MTMR7: variants seen among roughly 807,000 people sequenced by gnomAD.
The protein encoded by MTMR7 is phosphatidylinositol-3-phosphate phosphatase MTMR7.
In MTMR7, 76 loss-of-function variants were observed where a neutral mutation model predicts 81.2. That is an observed-to-expected ratio of 0.94 (90% CI 0.78 to 1.13). MTMR7 has a LOEUF of 1.13. MTMR7 is among the 50% of genes most tolerant of loss of function. MTMR7 has a pLI of 0.00. For synonymous variants in MTMR7, 372 were observed against 289.8 expected, an observed-to-expected ratio of 1.28 and a Z score of -2.88; for missense variants, 1,044 against 820.0, an observed-to-expected ratio of 1.27 and a Z score of -3.34.
intron 1 of MTMR7, among the ~76,000 whole-genome samples, chr8:17,399,024 T>C (rs972689996): frequency 5.3e-5 from 8 of 152,088 alleles, no homozygotes; most frequent in African/African-American, 1.9e-4. Context: ...GCTAGTATCA[T>C]ACTGAATGGG....
intron 1 of MTMR7, among the ~76,000 whole-genome samples, chr8:17,397,402 TG>T (rs1821294934): frequency 6.6e-6 from 1 of 152,064 alleles, no homozygotes; most frequent in Non-Finnish European, 1.5e-5. Context: ...GAAGAGCCCT[TG>T]GGCTTTAAGC....
At chr8:17,302,990 C>T (rs767479306) in intron 12 of MTMR7, among the ~76,000 whole-genome samples, 4 of 152,114 alleles carry the variant, frequency 2.6e-5, no homozygotes, top group African/African-American at 9.6e-5. Context: ...GGATTATAGG[C>T]GGGAGCCACC....
Position 17,329,274 on chromosome 8 carries a change from G to A in MTMR7, c.865+1876C>T, listed in dbSNP as rs199730184. Among the ~76,000 whole-genome samples, 50 of 152,212 alleles carry A rather than the reference G, an allele frequency of 3.3e-4. 2 individuals carry two copies. In the East Asian group the frequency reaches 6.2e-3, roughly 19 times the overall value. ...ACACTTCATCATCAGCTCAGCCTCCGCAATGGTTTATAATTTACTCGGTAA... is the reference window on the plus strand; with the variant it reads ...ACACTTCATCATCAGCTCAGCCTCCACAATGGTTTATAATTTACTCGGTAA... On this transcript the variant is annotated intron_variant, in intron 7 of 13. Transcript: ENST00000180173.
chr8:17,378,340 AG>A (rs1322367134), intron 1 of MTMR7, among the ~76,000 whole-genome samples: 3 of 152,246 alleles, frequency 2.0e-5, no homozygotes, highest in African/African-American at 7.2e-5. Flanking sequence ...TTATGAAGTC[AG>A]AAAGCACTGT....
At position 17,305,863 on chromosome 8, in the gene MTMR7, C is replaced by A; in HGVS notation, c.1246G>T (p.Ala416Ser). 1 of 1,613,606 alleles carries A rather than the reference C, an allele frequency of 6.2e-7. No homozygotes were observed. Among genetic ancestry groups the A allele is most frequent in the Non-Finnish European group, 8.5e-7 (1 of 1,179,616 alleles). The change falls in exon 11 of 14, where the codon GCC becomes TCC. Residue 416 changes from alanine (A) to serine (S), a missense_variant. Ala to Ser is a moderately conservative substitution (Grantham distance 99). Coordinates refer to ENST00000180173, the MANE Select transcript of MTMR7 (RefSeq NM_004686.5). ...AAAAACCTCTCATTGAACTCAAAGG[C>A]ACAGGGAAATTGTTCCATTAACTGC... Reference protein sequence around the residue: ...VWQLMEQFPCAFEFNERFLIH... With the variant: ...VWQLMEQFPCSFEFNERFLIH...
rs1463685913 is a variant in MTMR7, at chr8:17,298,061, T to G, written c.*1801A>C. 1.3e-5 allele frequency: 2 copies of G among 152,072 alleles called. No individual in the cohort carries two copies. The highest frequency in any genetic ancestry group is 4.8e-5 in the African/African-American group (2 of 41,444). 9.4% of individuals were successfully genotyped at this position (152,072 alleles called of 1,614,324 possible). On this transcript the variant is annotated 3_prime_UTR_variant, in exon 14 of 14. Coordinates refer to ENST00000180173, the MANE Select transcript of MTMR7 (RefSeq NM_004686.5). ...ATTTTTTAAAAAATGTTTATTGTTT[T>G]TATAGACATACACTGTCAAACGGAA...
intron 7 of MTMR7, among the ~76,000 whole-genome samples, chr8:17,322,654 T>C (rs1319362507): frequency 7.2e-5 from 11 of 151,908 alleles, no homozygotes; most frequent in Admixed American, 7.2e-4. Context: ...ACCCCATCTC[T>C]ACAAAAAATA....
intron 1 of MTMR7, among the ~76,000 whole-genome samples, chr8:17,407,726 A>C (rs1821628893): frequency 6.6e-6 from 1 of 152,180 alleles, no homozygotes; most frequent in African/African-American, 2.4e-5. Flanking sequence ...TGTTTAGTGC[A>C]CGCAAAGAAA....
At position 17,368,570 on chromosome 8, in the gene MTMR7, T is replaced by C. The variant is rs184312405; in HGVS notation, c.310+2467A>G. Among the ~76,000 whole-genome samples, 192 of 152,336 alleles carry C rather than the reference T, an allele frequency of 1.3e-3. 1 individual carries two copies. The highest frequency in any genetic ancestry group is 4.4e-3 in the African/African-American group (181 of 41,570). ...TCTGAAAGACCACCCCATCCCCCAG[T>C]TGAAGGCAACTGTTTCATGTCTAAC... On this transcript the variant is annotated intron_variant, in intron 3 of 13. Coordinates refer to ENST00000180173, the MANE Select transcript of MTMR7 (RefSeq NM_004686.5).
chr8:17,400,593 C>T (rs908289471), intron 1 of MTMR7, among the ~76,000 whole-genome samples: 7 of 152,064 alleles, frequency 4.6e-5, no homozygotes, highest in Admixed American at 2.0e-4. Context: ...TTTTTCTTGT[C>T]GTTGCAATTT....
intron 1 of MTMR7, 136 bp downstream of exon 1, chr8:17,413,133 G>T (rs924328500): frequency 2.4e-5 from 24 of 1,010,430 alleles, no homozygotes; most frequent in Non-Finnish European, 3.5e-5. Flanking sequence ...CTCAGGCAAT[G>T]CCTGCTCCTC....
intron 9 of MTMR7, among the ~76,000 whole-genome samples, chr8:17,310,539 CTT>C (rs1246485729): frequency 6.6e-6 from 1 of 152,132 alleles, no homozygotes; most frequent in Admixed American, 6.6e-5. Context: ...CTGGCAACCT[CTT>C]TACTCTCCAA....
At chr8:17,307,210 CAA>C (rs1352809402) in intron 10 of MTMR7, among the ~76,000 whole-genome samples, 10 of 152,122 alleles carry the variant, frequency 6.6e-5, no homozygotes, top group African/African-American at 2.4e-4. Flanking sequence ...ACAACCCCAT[CAA>C]AAAGTGGGCA....
intron 1 of MTMR7, among the ~76,000 whole-genome samples, chr8:17,410,001 G>C (rs928137482): frequency 6.6e-6 from 1 of 152,120 alleles, no homozygotes; most frequent in Admixed American, 6.5e-5. Flanking sequence ...AGGGCCTTAC[G>C]AGCAGTTCTG....
intron 7 of MTMR7, among the ~76,000 whole-genome samples, chr8:17,330,792 C>G (rs1366995470): frequency 6.6e-6 from 1 of 152,158 alleles, no homozygotes; most frequent in Admixed American, 6.5e-5. Context: ...GATCTCCATA[C>G]AAGAATGGTT....
chr8:17,329,753 C>T (rs960360932), intron 7 of MTMR7, among the ~76,000 whole-genome samples: 3 of 152,192 alleles, frequency 2.0e-5, no homozygotes, highest in African/African-American at 7.2e-5. Context: ...ACATAAAAAA[C>T]ATAGTTTGTA....
chr8:17,322,332 C>G (rs1328369045), intron 7 of MTMR7, among the ~76,000 whole-genome samples: 2 of 152,194 alleles, frequency 1.3e-5, no homozygotes, highest in Non-Finnish European at 2.9e-5. Flanking sequence ...TTCCAGAATA[C>G]TATTTACCAA....
At chr8:17,346,271 G>T (rs925911944) in intron 5 of MTMR7, 1 of 152,182 alleles carries the variant, frequency 6.6e-6, no homozygotes, top group African/African-American at 2.4e-5. Context: ...TCAGTTCATG[G>T]GGTGGGAGAG....
intron 1 of MTMR7, among the ~76,000 whole-genome samples, chr8:17,391,306 G>GA (rs1027299223): frequency 5.9e-5 from 9 of 152,124 alleles, no homozygotes; most frequent in African/African-American, 1.7e-4. Flanking sequence ...CAGGATCTGG[G>GA]AAAAAATCTT....
Sources: allele counts gnomAD v4.1 joint callset (sites outside exome capture counted in the v4.1 genomes callset), GRCh38; gene constraint gnomAD v4.1.1; transcripts MANE v1.5; gene names NCBI Gene and HGNC (gene_info 2026-07-23, HGNC 2026-07-21).